PTPRG: variants seen among roughly 807,000 people sequenced by gnomAD.
PTPRG encodes protein tyrosine phosphatase receptor type G.
Under a neutral mutation model 165.3 loss-of-function variants are expected in PTPRG, and 102 were observed. That is an observed-to-expected ratio of 0.62 (90% CI 0.53 to 0.73). PTPRG has a LOEUF of 0.73. Among genes scored for constraint, PTPRG ranks in the 30% least tolerant of loss-of-function variants. The pLI is 0.00. For missense variants in PTPRG, 1,866 were observed against 1,861.4 expected, an observed-to-expected ratio of 1.00 and a Z score of -0.05; for synonymous variants, 675 against 669.5, an observed-to-expected ratio of 1.01 and a Z score of -0.13.
In PTPRG at chr3:62,159,426, T is replaced by C. The variant is rs545221632; in HGVS notation, c.840+2202T>C. Among the ~76,000 whole-genome samples the C allele has an allele frequency of 3.3e-5, 5 of 152,280 alleles. No individual in the cohort carries two copies. The East Asian group carries it at 9.6e-4, about 29-fold the overall frequency. ...CATGTAAGGAGAGGCAGAGAGTCGT[T>C]GATTAGCTGGAGAGAAATAAGGACC... On this transcript the variant is annotated intron_variant, in intron 7 of 29. Coordinates refer to ENST00000474889, the MANE Select transcript of PTPRG (RefSeq NM_002841.4).
chr3:62,053,879 T>G (rs751647762), intron 4 of PTPRG, among the ~76,000 whole-genome samples: 4 of 152,204 alleles, frequency 2.6e-5, no homozygotes, highest in Admixed American at 1.3e-4. Flanking sequence ...CAGCTGTTCA[T>G]GCAGTGCAAA....
chr3:62,145,800 G>A (rs1704098627), intron 6 of PTPRG, among the ~76,000 whole-genome samples: 1 of 152,160 alleles, frequency 6.6e-6, no homozygotes, highest in Non-Finnish European at 1.5e-5. Flanking sequence ...GTAAAGTGAG[G>A]TTTTAGAGAG....
At chr3:62,284,046 AC>A (rs1465496325) in intron 28 of PTPRG, among the ~76,000 whole-genome samples, 2 of 152,134 alleles carry the variant, frequency 1.3e-5, no homozygotes, top group Admixed American at 6.6e-5. Context: ...GTATACAGTT[AC>A]AGCATAAAGT....
rs572866396 is a variant in PTPRG at position 61,902,185 on chromosome 3, C to T, written c.191-87440C>T. Among the ~76,000 whole-genome samples the T allele has an allele frequency of 2.0e-5, 3 of 152,298 alleles. No homozygotes were observed. The East Asian group carries it at 5.8e-4, about 29-fold the overall frequency. On this transcript the variant is annotated intron_variant, in intron 2 of 29. Transcript: ENST00000474889. ...TGGGGACCTGGAGAGATGCCACATT[C>T]TTCTGTTTCCAGGCTGATTGGAACT...
intron 2 of PTPRG, among the ~76,000 whole-genome samples, chr3:61,850,265 C>T (rs531781186): frequency 6.6e-5 from 10 of 152,202 alleles, no homozygotes; most frequent in African/African-American, 1.9e-4. Flanking sequence ...TGGGTTCAAG[C>T]GATTCTCCCT....
chr3:61,868,550 A>G (rs1451778366), intron 2 of PTPRG, among the ~76,000 whole-genome samples: 1 of 151,800 alleles, frequency 6.6e-6, no homozygotes, highest in Non-Finnish European at 1.5e-5. Flanking sequence ...CCCCCTTCCA[A>G]TCTCTTTTCT....
At chr3:62,072,773 A>G (rs1327893254) in intron 4 of PTPRG, among the ~76,000 whole-genome samples, 1 of 152,176 alleles carries the variant, frequency 6.6e-6, no homozygotes, top group Non-Finnish European at 1.5e-5. Context: ...GAATAGGTTC[A>G]TCGACCTTTA....
At chr3:61,714,113 T>C (rs561616330) in intron 1 of PTPRG, among the ~76,000 whole-genome samples, 1 of 152,282 alleles carries the variant, frequency 6.6e-6, no homozygotes, top group South Asian at 2.1e-4. Flanking sequence ...TGACTATTAA[T>C]ATATTTTGTG....
chr3:61,569,435 A>G (rs976445266), intron 1 of PTPRG, among the ~76,000 whole-genome samples: 6 of 152,232 alleles, frequency 3.9e-5, no homozygotes, highest in African/African-American at 1.4e-4. Context: ...AGTGCTGTGC[A>G]TGGTAAACAG....
intron 4 of PTPRG, among the ~76,000 whole-genome samples, chr3:62,044,583 A>G (rs777029756): frequency 2.6e-5 from 4 of 152,158 alleles, no homozygotes; most frequent in Non-Finnish European, 4.4e-5. Context: ...TTACCTCATG[A>G]GATTATTTTA....
intron 4 of PTPRG, among the ~76,000 whole-genome samples, chr3:62,030,568 A>G (rs1429939715): frequency 1.3e-5 from 2 of 152,066 alleles, no homozygotes; most frequent in South Asian, 2.1e-4. Context: ...TTTACTGGAG[A>G]TGTCATCATT....
chr3:61,613,529 C>T (rs1701231082), intron 1 of PTPRG, among the ~76,000 whole-genome samples: 1 of 152,140 alleles, frequency 6.6e-6, no homozygotes, highest in Admixed American at 6.5e-5. Context: ...GTTAAATTAT[C>T]TATTTAAAAC....
At chr3:61,785,260 A>G (rs948099682) in intron 2 of PTPRG, among the ~76,000 whole-genome samples, 3 of 152,202 alleles carry the variant, frequency 2.0e-5, no homozygotes, top group Admixed American at 2.0e-4. Context: ...TTTTAAGGTC[A>G]TGTCCACACT....
intron 1 of PTPRG, among the ~76,000 whole-genome samples, chr3:61,594,080 A>C (rs1373002040): frequency 6.6e-6 from 1 of 152,204 alleles, no homozygotes; most frequent in East Asian, 1.9e-4. Context: ...GAATTTTGAA[A>C]GCAGAATCTA....
At chr3:61,893,399 G>A in intron 2 of PTPRG, among the ~76,000 whole-genome samples, 1 of 152,164 alleles carries the variant, frequency 6.6e-6, no homozygotes, top group East Asian at 1.9e-4. Context: ...CCATAAGGTA[G>A]TCAATGTCAA....
At chr3:61,974,519 C>G (rs998291284) in intron 2 of PTPRG, among the ~76,000 whole-genome samples, 4 of 151,960 alleles carry the variant, frequency 2.6e-5, no homozygotes, top group Admixed American at 1.3e-4. Context: ...TGCCGTTGCA[C>G]TACAGCCTGG....
intron 1 of PTPRG, among the ~76,000 whole-genome samples, chr3:61,678,878 GT>G (rs933495689): frequency 2.6e-5 from 4 of 151,980 alleles, no homozygotes; most frequent in Non-Finnish European, 5.9e-5. Flanking sequence ...CCATACCTAA[GT>G]TTTGGGAGGC....
intron 1 of PTPRG, among the ~76,000 whole-genome samples, chr3:61,575,756 C>T (rs921351051): frequency 2.6e-5 from 4 of 152,000 alleles, no homozygotes; most frequent in Non-Finnish European, 4.4e-5. Context: ...CATGCCACCA[C>T]GCCCGGCTAA....
intron 2 of PTPRG, among the ~76,000 whole-genome samples, chr3:61,841,158 A>T (rs1319627045): frequency 2.0e-5 from 3 of 152,126 alleles, no homozygotes; most frequent in African/African-American, 7.2e-5. Flanking sequence ...AAAAGCATCA[A>T]CGTATATATT....
Sources: allele counts gnomAD v4.1 joint callset (sites outside exome capture counted in the v4.1 genomes callset), GRCh38; gene constraint gnomAD v4.1.1; transcripts MANE v1.5; gene names NCBI Gene and HGNC (gene_info 2026-07-23, HGNC 2026-07-21).